The following PLD5 variants were observed in gnomAD, a reference collection of about 807,000 sequenced individuals.
PLD5 encodes the protein phospholipase D family member 5.
PLD5 carries 36 observed loss-of-function variants against 61.1 expected under a neutral mutation model. That is an observed-to-expected ratio of 0.59 (90% CI 0.45 to 0.78). The LOEUF is 0.78. PLD5 is among the 30% of genes least tolerant of loss of function. The pLI is 0.00. For synonymous variants in PLD5, 243 were observed against 242.8 expected, an observed-to-expected ratio of 1.00 and a Z score of -0.01; for missense variants, 515 against 644.4, an observed-to-expected ratio of 0.80 and a Z score of 2.17.
chr1:242,172,426 G>A (rs1381267626), intron 5 of PLD5, among the ~76,000 whole-genome samples: 1 of 152,098 alleles, frequency 6.6e-6, no homozygotes, highest in African/African-American at 2.4e-5. Flanking sequence ...GAGAAAGCAG[G>A]GAAGATCTAA....
chr1:242,131,980 C>G (rs186462318), intron 5 of PLD5, among the ~76,000 whole-genome samples: 1 of 151,114 alleles, frequency 6.6e-6, no homozygotes, highest in Non-Finnish European at 1.5e-5. Flanking sequence ...TACAGGAGCA[C>G]GCCACTATGC....
chr1:242,157,756 G>T (rs931662464), intron 5 of PLD5, among the ~76,000 whole-genome samples: 1 of 151,770 alleles, frequency 6.6e-6, no homozygotes, highest in Non-Finnish European at 1.5e-5. Flanking sequence ...TGGATGAGGT[G>T]TCTGGGAGGT....
intron 5 of PLD5, among the ~76,000 whole-genome samples, chr1:242,179,987 G>A (rs568673617): frequency 1.4e-3 from 212 of 152,186 alleles, no homozygotes; most frequent in African/African-American, 4.8e-3. Flanking sequence ...GCTATTTTCA[G>A]TGTTTCAAAT....
At chr1:242,302,023 C>G (rs187374199) in intron 2 of PLD5, among the ~76,000 whole-genome samples, 17 of 152,150 alleles carry the variant, frequency 1.1e-4, no homozygotes, top group Non-Finnish European at 2.4e-4. Context: ...TCAGGTGATC[C>G]GCCCACCTTG....
At chr1:242,377,108 A>G (rs1662008306) in intron 1 of PLD5, 3 of 1,611,766 alleles carry the variant, frequency 1.9e-6, no homozygotes, top group Admixed American at 1.7e-5. Context: ...TATCTTCCCC[A>G]GCCCCATTTT....
At chr1:242,456,158 C>T (rs2102930765) in intron 1 of PLD5, among the ~76,000 whole-genome samples, 1 of 152,302 alleles carries the variant, frequency 6.6e-6, no homozygotes, top group South Asian at 2.1e-4. Flanking sequence ...CTGTTCCCTC[C>T]CCTCCTTACT....
At chr1:242,522,207 G>A (rs2103013555) in intron 1 of PLD5, among the ~76,000 whole-genome samples, 1 of 152,308 alleles carries the variant, frequency 6.6e-6, no homozygotes, top group Non-Finnish European at 1.5e-5. Context: ...AATATCAAAT[G>A]AGGAGAATGA....
intron 6 of PLD5, among the ~76,000 whole-genome samples, chr1:242,119,507 ATAACT>A (rs368787682): frequency 1.1e-3 from 164 of 152,328 alleles, no homozygotes; most frequent in East Asian, 5.2e-3. Context: ...AATTTTTTAA[ATAACT>A]TAATTTAAAT....
In PLD5 at chr1:242,256,747, C is replaced by CATCTATCTATCT. The variant is rs71570946; in HGVS notation, c.607+8578_607+8589dup. Among the ~76,000 whole-genome samples, 21 of 148,336 alleles carry CATCTATCTATCT rather than the reference C, an allele frequency of 1.4e-4. No homozygotes were observed. The highest frequency in any genetic ancestry group is 2.0e-4 in the East Asian group (1 of 4,966). On this transcript the variant is annotated intron_variant, in intron 4 of 9. Transcript: ENST00000536534. The surrounding 1 kb of genome is among the most constrained non-coding windows in gnomAD (Gnocchi z 5.7). Reference sequence around the variant, plus strand: ...AGCAGCACAAATGAACTAAGACTATCATCTATCTATCTATCTATCTATCTA... The same window carrying CATCTATCTATCT: ...AGCAGCACAAATGAACTAAGACTATCATCTATCTATCTATCTATCTATCTATCTATCTATCTA...
chr1:242,297,068 G>A (rs1675701017), intron 2 of PLD5, among the ~76,000 whole-genome samples: 1 of 152,094 alleles, frequency 6.6e-6, no homozygotes, highest in Non-Finnish European at 1.5e-5. Context: ...CCCCCTGGCT[G>A]GGCATGGTGG....
chr1:242,126,688 A>G (rs1662812194), intron 5 of PLD5, among the ~76,000 whole-genome samples: 1 of 152,228 alleles, frequency 6.6e-6, no homozygotes, highest in African/African-American at 2.4e-5. Flanking sequence ...TAACTCTAAG[A>G]CCTGAAACCA....
chr1:242,486,277 A>C (rs376383912), intron 1 of PLD5, among the ~76,000 whole-genome samples: 37 of 152,150 alleles, frequency 2.4e-4, no homozygotes, highest in South Asian at 6.2e-4. Context: ...AGTGAACAGG[A>C]AACCTACAGA....
intron 4 of PLD5, among the ~76,000 whole-genome samples, chr1:242,220,393 C>T (rs1670495546): frequency 1.3e-5 from 2 of 152,236 alleles, no homozygotes; most frequent in Admixed American, 1.3e-4. Context: ...CATATAGTGA[C>T]AAGACCACGG....
chr1:242,098,020 T>C (rs927937295), intron 9 of PLD5, among the ~76,000 whole-genome samples: 1 of 152,232 alleles, frequency 6.6e-6, no homozygotes, highest in African/African-American at 2.4e-5. Context: ...TCCCCATTTC[T>C]TGTTTTTGTC....
upstream of PLD5, among the ~76,000 whole-genome samples, chr1:242,526,128 C>A (rs1313421407): frequency 6.6e-6 from 1 of 152,166 alleles, no homozygotes; most frequent in African/African-American, 2.4e-5. Context: ...GAAGGCCAGG[C>A]GGAGTGGCTC....
At chr1:242,140,398 C>T (rs962250198) in intron 5 of PLD5, among the ~76,000 whole-genome samples, 1 of 152,184 alleles carries the variant, frequency 6.6e-6, no homozygotes, top group Admixed American at 6.5e-5. Flanking sequence ...AATCCCAATA[C>T]TTGGGGAGGC....
At chr1:242,414,763 CAT>C (rs1405259287) in intron 1 of PLD5, among the ~76,000 whole-genome samples, 2 of 151,542 alleles carry the variant, frequency 1.3e-5, no homozygotes, top group Non-Finnish European at 2.9e-5. Context: ...AATAAAAAAA[CAT>C]AGATGAATTT....
intron 1 of PLD5, among the ~76,000 whole-genome samples, chr1:242,414,316 ATTAAAT>A (rs903857663): frequency 7.9e-5 from 12 of 152,340 alleles, no homozygotes; most frequent in African/African-American, 2.6e-4. Flanking sequence ...ATTTGAGATT[ATTAAAT>A]CTCAAAGGCA....
At chr1:242,170,669 G>T (rs948991340) in intron 5 of PLD5, among the ~76,000 whole-genome samples, 1 of 152,132 alleles carries the variant, frequency 6.6e-6, no homozygotes, top group Non-Finnish European at 1.5e-5. Context: ...AAAAAGGTTA[G>T]ACAAATTGGT....
Sources: allele counts gnomAD v4.1 joint callset (sites outside exome capture counted in the v4.1 genomes callset), GRCh38; gene constraint gnomAD v4.1.1; non-coding constraint Gnocchi (gnomAD v3.1); transcripts MANE v1.5; gene names NCBI Gene and HGNC (gene_info 2026-07-23, HGNC 2026-07-21).